Variants in TENM2 observed in about 807,000 individuals in gnomAD.
TENM2 encodes the protein teneurin transmembrane protein 2.
Under a neutral mutation model 245.2 loss-of-function variants are expected in TENM2, and 52 were observed. That is an observed-to-expected ratio of 0.21 (90% confidence interval 0.17 to 0.27). TENM2 has a LOEUF of 0.27. Ranked by LOEUF, TENM2 falls within the 10% of genes least tolerant of loss-of-function variation. The probability of loss-of-function intolerance (pLI) is 1.00; values close to 1 mark genes in which losing one functional copy is unlikely to be tolerated. For missense variants in TENM2, 3,046 were observed against 3,666.8 expected (o/e 0.83, Z 4.37); for synonymous variants, 1,363 against 1,438.9 (o/e 0.95, Z 1.19).
At position 168,244,587 on chromosome 5, in the gene TENM2, C is replaced by T. The variant is rs1173209550; in HGVS notation, c.5688C>T (p.Phe1896=). The T allele has an allele frequency of 6.2e-7, 1 of 1,608,478 alleles. No homozygotes were observed. Among genetic ancestry groups the T allele is most frequent in the African/African-American group, 1.3e-5 (1 of 74,850 alleles). Residue 1896 remains phenylalanine, a synonymous_variant, in exon 26 of 29, where the codon TTC becomes TTT. Coordinates refer to ENST00000518659, the Ensembl canonical transcript of TENM2. The surrounding 1 kb of genome is among the most constrained non-coding windows in gnomAD (Gnocchi z 4.9). Reference sequence around the variant, plus strand: ...TGGCAGCTGTCAACGTGTCATACTTCTTCAATGGGCGCCTGGCTGGGCTTC... The same window carrying T: ...TGGCAGCTGTCAACGTGTCATACTTTTTCAATGGGCGCCTGGCTGGGCTTC...
intron 2 of TENM2, among the ~76,000 whole-genome samples, chr5:167,863,929 C>T (rs1002163105): frequency 2.6e-5 from 4 of 152,156 alleles, no homozygotes; most frequent in Admixed American, 6.5e-5. Flanking sequence ...CTAACATCTT[C>T]CTAACAACCT....
At chr5:167,253,334 A>C in the TENM2 span, among the ~76,000 whole-genome samples, 1 of 151,494 alleles carries the variant, frequency 6.6e-6, no homozygotes, top group Non-Finnish European at 1.5e-5. Context: ...CTGGGCTCAA[A>C]AGATCCACCC....
chr5:167,665,292 C>T (rs1278619628), intron 2 of TENM2, among the ~76,000 whole-genome samples: 1 of 152,066 alleles, frequency 6.6e-6, no homozygotes, highest in African/African-American at 2.4e-5. Context: ...AAAGTATTCT[C>T]AGTATTACCA....
chr5:168,145,314 A>G (rs1472540556), intron 12 of TENM2, among the ~76,000 whole-genome samples: 3 of 145,200 alleles, frequency 2.1e-5, no homozygotes, highest in East Asian at 2.0e-4. Flanking sequence ...ATGGTTTTAG[A>G]TCTAACGTTT....
At chr5:167,992,100 T>C (rs1783710622) in intron 4 of TENM2, among the ~76,000 whole-genome samples, 1 of 151,988 alleles carries the variant, frequency 6.6e-6, no homozygotes, top group African/African-American at 2.4e-5. Flanking sequence ...AATAATATAA[T>C]AAACTTTGGG....
intron 3 of TENM2, among the ~76,000 whole-genome samples, chr5:167,942,463 G>A (rs1342802406): frequency 6.6e-6 from 1 of 152,108 alleles, no homozygotes; most frequent in South Asian, 2.1e-4. Flanking sequence ...ATGTTTTCAA[G>A]ACTGAAAAGG....
chr5:167,228,600 G>A, the TENM2 span, among the ~76,000 whole-genome samples: 1 of 151,116 alleles, frequency 6.6e-6, no homozygotes, highest in African/African-American at 2.4e-5. Context: ...ATCTGTTGCT[G>A]GAGAATTGTG....
chr5:168,040,953 C>T (rs983442724), intron 5 of TENM2, among the ~76,000 whole-genome samples: 1 of 152,190 alleles, frequency 6.6e-6, no homozygotes, highest in South Asian at 2.1e-4. Flanking sequence ...CAACCAAGGA[C>T]ATATTCGTAG....
chr5:167,606,931 A>G (rs772454063), intron 2 of TENM2, among the ~76,000 whole-genome samples: 1 of 152,174 alleles, frequency 6.6e-6, no homozygotes, highest in Non-Finnish European at 1.5e-5. Context: ...TGAAATCAGT[A>G]TTTCAAGATT....
intron 2 of TENM2, among the ~76,000 whole-genome samples, chr5:167,839,974 C>A (rs141953030): frequency 0.015 from 2,256 of 152,262 alleles, 46 homozygotes; most frequent in African/African-American, 0.051. Flanking sequence ...TGCGCCACCA[C>A]GCCCTGCTAA....
chr5:168,185,839 A>G (rs372737496), intron 13 of TENM2, among the ~76,000 whole-genome samples: 1 of 148,610 alleles, frequency 6.7e-6, no homozygotes, highest in South Asian at 2.1e-4. Context: ...TTTTTTTAAA[A>G]TGAAAAAGTG....
chr5:167,055,029 TAATGGAGTTAGCTTATC>T, the TENM2 span, among the ~76,000 whole-genome samples: 1 of 152,096 alleles, frequency 6.6e-6, no homozygotes, highest in Non-Finnish European at 1.5e-5. Context: ...TTTTTAATTT[TAATGGAGTTAGCTTATC>T]AATTATTTCT....
intron 3 of TENM2, among the ~76,000 whole-genome samples, chr5:167,925,526 C>T (rs1364261870): frequency 1.3e-5 from 2 of 152,142 alleles, no homozygotes; most frequent in East Asian, 1.9e-4. Context: ...TTAGTTCAAC[C>T]ATCATGGAAA....
intron 3 of TENM2, among the ~76,000 whole-genome samples, chr5:167,888,887 CTTAAA>C (rs1774511949): frequency 1.3e-5 from 2 of 152,126 alleles, no homozygotes; most frequent in African/African-American, 2.4e-5. Flanking sequence ...GCGGTTATCA[CTTAAA>C]TTAATGTTTT....
At chr5:167,641,157 C>A (rs564398243) in intron 2 of TENM2, among the ~76,000 whole-genome samples, 2 of 151,692 alleles carry the variant, frequency 1.3e-5, no homozygotes, top group Non-Finnish European at 2.9e-5. Context: ...ATTAATGAAG[C>A]CTTACTGTGT....
At chr5:167,836,820 T>C (rs1278274880) in intron 2 of TENM2, among the ~76,000 whole-genome samples, 1 of 152,218 alleles carries the variant, frequency 6.6e-6, no homozygotes, top group Non-Finnish European at 1.5e-5. Context: ...CTTTAGTAGT[T>C]TTGTAGTTAC....
chr5:167,210,846 T>C, the TENM2 span, among the ~76,000 whole-genome samples: 2 of 152,194 alleles, frequency 1.3e-5, no homozygotes, highest in Non-Finnish European at 2.9e-5. Flanking sequence ...TCTGCAGCAG[T>C]AGATTAAATA....
chr5:167,491,838 A>G (rs964004404), intron 2 of TENM2, among the ~76,000 whole-genome samples: 1 of 152,104 alleles, frequency 6.6e-6, no homozygotes, highest in Non-Finnish European at 1.5e-5. Flanking sequence ...AAAAATACCA[A>G]CAGGTCAAAA....
intron 2 of TENM2, among the ~76,000 whole-genome samples, chr5:167,618,191 C>A (rs1192361046): frequency 6.6e-6 from 1 of 152,008 alleles, no homozygotes. Flanking sequence ...TGCAGGTATT[C>A]CCTCGCTTTA....
Sources: allele counts gnomAD v4.1 joint callset (sites outside exome capture counted in the v4.1 genomes callset), GRCh38; gene constraint gnomAD v4.1.1; non-coding constraint Gnocchi (gnomAD v3.1); transcripts MANE v1.5; gene names NCBI Gene and HGNC (gene_info 2026-07-23, HGNC 2026-07-21).